MED27: variants seen among roughly 807,000 people sequenced by gnomAD.
MED27 encodes the protein mediator of RNA polymerase II transcription subunit 27.
In MED27, 30 loss-of-function variants were observed where a neutral mutation model predicts 38.2. The ratio of observed to expected loss-of-function variants is 0.79; its 90% CI spans 0.59 to 1.07. MED27 has a LOEUF of 1.07. Ranked by LOEUF, MED27 falls within the 50% of genes least tolerant of loss-of-function variation. The pLI is 0.00. For missense variants in MED27, 289 were observed against 397.5 expected (o/e 0.73, Z 2.32); for synonymous variants, 122 against 153.5 (o/e 0.79, Z 1.52).
intron 3 of MED27, among the ~76,000 whole-genome samples, chr9:131,976,967 G>A (rs931584877): frequency 2.0e-5 from 3 of 152,140 alleles, no homozygotes; most frequent in Admixed American, 1.3e-4. Context: ...CTACTTGCAG[G>A]AGCCCCATTT....
chr9:131,972,982 A>G (rs1420609482), intron 3 of MED27, among the ~76,000 whole-genome samples: 2 of 152,246 alleles, frequency 1.3e-5, no homozygotes, highest in African/African-American at 4.8e-5. Context: ...AAATGCAGAA[A>G]GTAATTACTA....
intron 3 of MED27, among the ~76,000 whole-genome samples, chr9:131,973,934 T>C (rs947994060): frequency 2.6e-5 from 4 of 152,024 alleles, no homozygotes; most frequent in Admixed American, 6.5e-5. Context: ...GGGATGGTCT[T>C]GATCTCCTGA....
intron 6 of MED27, among the ~76,000 whole-genome samples, chr9:131,877,208 G>A (rs1450909564): frequency 6.6e-6 from 1 of 152,188 alleles, no homozygotes; most frequent in Non-Finnish European, 1.5e-5. Flanking sequence ...TTCATCTGTG[G>A]CATTTGAAGA....
intron 3 of MED27, among the ~76,000 whole-genome samples, chr9:132,004,803 G>A (rs4145638): frequency 0.61 from 93,450 of 152,130 alleles, 29,493 homozygotes; most frequent in Non-Finnish European, 0.68. Flanking sequence ...TGCTGTGAAA[G>A]GATGTTTTGA....
chr9:131,977,345 C>G (rs560081066), intron 3 of MED27, among the ~76,000 whole-genome samples: 1 of 152,316 alleles, frequency 6.6e-6, no homozygotes, highest in South Asian at 2.1e-4. Context: ...AATTCAGGCT[C>G]TAGTTACCAC....
At chr9:131,905,701 CAAAAAAAAAAAAAAA>C (rs58848280) in intron 4 of MED27, among the ~76,000 whole-genome samples, 1 of 60,922 alleles carries the variant, frequency 1.6e-5, no homozygotes, top group Non-Finnish European at 2.8e-5. Context: ...AAGACCTTGT[CAAAAAAAAAAAAAAA>C]AAAAAAAAAA....
chr9:131,888,370 G>C (rs1303218610), intron 5 of MED27, among the ~76,000 whole-genome samples: 2 of 152,196 alleles, frequency 1.3e-5, no homozygotes, highest in Non-Finnish European at 2.9e-5. Context: ...TGTGTGCAGA[G>C]GCCCAGCTCT....
In MED27 at chr9:131,860,540, A is replaced by G; in HGVS notation, c.934T>C (p.Ter312GlnextTer81). ...TGAGGCTGGGGCCAGCGTGGGGGCTACTGCCGGCAGGTGTCATGGAAGGCT... is the reference window on the plus strand; with the variant it reads ...TGAGGCTGGGGCCAGCGTGGGGGCTGCTGCCGGCAGGTGTCATGGAAGGCT... The part of the protein sequence containing the change: ...LEAFHDTCRQ[*>Q] Residue 312 changes from the stop codon to glutamine, a stop_lost, in exon 8 of 8, where the codon TAG becomes CAG. Coordinates refer to ENST00000292035, the MANE Select transcript of MED27 (RefSeq NM_004269.4). This position sits in a 1 kb window ranked among gnomAD's most constrained non-coding sequence, Gnocchi z 5.8. 3.3e-6 allele frequency: 5 copies of G among 1,527,100 alleles called. No individual in the cohort carries two copies. The highest frequency in any genetic ancestry group is 4.4e-6 in the Non-Finnish European group (5 of 1,136,858). 94.6% of individuals were successfully genotyped at this position (1,527,100 alleles called of 1,614,324 possible).
At chr9:131,988,455 AACATGAAG>A (rs1400186352) in intron 3 of MED27, among the ~76,000 whole-genome samples, 1 of 152,244 alleles carries the variant, frequency 6.6e-6, no homozygotes, top group Non-Finnish European at 1.5e-5. Context: ...CTTGCTCCTC[AACATGAAG>A]ACAATGCGGA....
chr9:132,060,546 C>G (rs942098203), intron 2 of MED27, among the ~76,000 whole-genome samples: 3 of 152,206 alleles, frequency 2.0e-5, no homozygotes, highest in African/African-American at 7.2e-5. Flanking sequence ...TCTATAGAAG[C>G]TTCCTTCAAG....
At chr9:132,077,923 T>A (rs1834089460) in intron 1 of MED27, among the ~76,000 whole-genome samples, 1 of 152,166 alleles carries the variant, frequency 6.6e-6, no homozygotes, top group Admixed American at 6.5e-5. Flanking sequence ...AAATGTGGTA[T>A]AACACTGCCT....
rs530841666 is a variant in MED27 at position 132,027,325 on chromosome 9, C to G, written c.349-12858G>C. 3.9e-5 allele frequency among the ~76,000 whole-genome samples: 6 copies of G among 152,358 alleles called. No homozygotes were observed. The South Asian group carries it at 1.2e-3, about 32-fold the overall frequency. On this transcript the variant is annotated intron_variant, in intron 2 of 7. Transcript: ENST00000292035. The stretch of plus-strand genomic sequence containing the variant: ...TCTTAGAGACCAGAATGCAGCCCAC[C>G]GCAGCCCAACTGCTCCAGCAGCTTC...
At chr9:131,949,033 G>A (rs1407553648) in intron 3 of MED27, among the ~76,000 whole-genome samples, 1 of 152,124 alleles carries the variant, frequency 6.6e-6, no homozygotes, top group Non-Finnish European at 1.5e-5. Context: ...GTGTCAAGTC[G>A]CCCTTTGAGT....
At chr9:131,945,637 T>C (rs1409354594) in intron 3 of MED27, among the ~76,000 whole-genome samples, 2 of 152,064 alleles carry the variant, frequency 1.3e-5, no homozygotes, top group African/African-American at 4.8e-5. Flanking sequence ...TCTGTACTTC[T>C]ATGAGTTCAA....
chr9:132,010,900 G>T (rs537215940), intron 3 of MED27, among the ~76,000 whole-genome samples: 1 of 152,120 alleles, frequency 6.6e-6, no homozygotes, highest in African/African-American at 2.4e-5. Flanking sequence ...GCGAAGGGGG[G>T]AGGGATAGCA....
intron 3 of MED27, among the ~76,000 whole-genome samples, chr9:131,960,578 T>A (rs1831194569): frequency 6.6e-6 from 1 of 152,172 alleles, no homozygotes; most frequent in African/African-American, 2.4e-5. Flanking sequence ...AGCGTTAAAG[T>A]CAACTGCTTA....
chr9:132,073,098 A>C (rs1833976988), intron 2 of MED27, among the ~76,000 whole-genome samples: 1 of 152,114 alleles, frequency 6.6e-6, no homozygotes, highest in Non-Finnish European at 1.5e-5. Context: ...ACCAGGTGAC[A>C]GATGATGTGG....
rs1564257446 is a variant in MED27, at chr9:131,862,363, C to T, written c.801+700G>A. ...GCATGCGGCCGTGTGAGCATGCTGG[C>T]GTGAGAGCATGACGGTGGAACAGCT... On this transcript the variant is annotated intron_variant, in intron 7 of 7. Coordinates refer to ENST00000292035, the MANE Select transcript of MED27 (RefSeq NM_004269.4). This position sits in a 1 kb window ranked among gnomAD's most constrained non-coding sequence, Gnocchi z 4.6. Among the ~76,000 whole-genome samples the T allele has an allele frequency of 1.3e-5, 2 of 152,126 alleles. No homozygotes were observed. Among genetic ancestry groups the T allele is most frequent in the South Asian group, 2.1e-4 (1 of 4,826 alleles).
chr9:132,068,696 G>A (rs1472172192), intron 2 of MED27, among the ~76,000 whole-genome samples: 2 of 151,990 alleles, frequency 1.3e-5, no homozygotes, highest in Non-Finnish European at 2.9e-5. Flanking sequence ...ACGAGAAGCA[G>A]GTTGGTGGTG....
Sources: gnomAD v4.1 joint callset for allele counts (sites outside exome capture counted in the v4.1 genomes callset) on GRCh38, gnomAD v4.1.1 for gene constraint, Gnocchi (gnomAD v3.1) non-coding constraint, MANE v1.5 for transcripts, NCBI Gene and HGNC (gene_info 2026-07-23, HGNC 2026-07-21) for gene names.